Variants in IL1RAPL1 observed in about 807,000 individuals in gnomAD.
The protein encoded by IL1RAPL1 is interleukin 1 receptor accessory protein like 1.
In IL1RAPL1, 3 loss-of-function variants were observed where a neutral mutation model predicts 48.4. That is an observed-to-expected ratio of 0.06 (90% CI 0.03 to 0.16). IL1RAPL1 has a LOEUF of 0.16. Among genes scored for constraint, IL1RAPL1 ranks in the 10% least tolerant of loss-of-function variants. IL1RAPL1 has a pLI of 1.00. For synonymous variants in IL1RAPL1, 185 were observed against 187.7 expected, an observed-to-expected ratio of 0.99 and a Z score of 0.12; for missense variants, 349 against 530.6, an observed-to-expected ratio of 0.66 and a Z score of 3.36.
At chrX:29,630,467 A>G (rs1189040635) in intron 5 of IL1RAPL1, among the ~76,000 whole-genome samples, 5 of 111,944 alleles carry the variant, frequency 4.5e-5, no homozygotes, top group East Asian at 2.8e-4. Context: ...AGAATTGTCA[A>G]TACAACTATT....
intron 6 of IL1RAPL1, among the ~76,000 whole-genome samples, chrX:29,836,431 C>T (rs746846589): frequency 7.0e-4 from 78 of 111,264 alleles, no homozygotes; most frequent in Non-Finnish European, 1.3e-3. Flanking sequence ...CCTTGTCATC[C>T]GCCCGCCTTG....
intron 1 of IL1RAPL1, among the ~76,000 whole-genome samples, chrX:28,746,563 T>C (rs1164331101): frequency 6.3e-5 from 7 of 111,978 alleles, no homozygotes; most frequent in Non-Finnish European, 1.3e-4. Context: ...AGAGTTGGAA[T>C]AGAAGGGATA....
chrX:29,309,083 T>C (rs1480974844), intron 3 of IL1RAPL1, among the ~76,000 whole-genome samples: 1 of 112,626 alleles, frequency 8.9e-6, no homozygotes, highest in African/African-American at 3.2e-5. Flanking sequence ...CAATATTGTA[T>C]CTAACTTTGC....
intron 6 of IL1RAPL1, among the ~76,000 whole-genome samples, chrX:29,781,018 A>G (rs1311330188): frequency 9.0e-6 from 1 of 111,360 alleles, no homozygotes; most frequent in Non-Finnish European, 1.9e-5. Context: ...CACAAAACTC[A>G]TAACAATGCT....
At chrX:29,574,104 G>A (rs766406411) in intron 5 of IL1RAPL1, among the ~76,000 whole-genome samples, 1 of 109,773 alleles carries the variant, frequency 9.1e-6, no homozygotes, top group African/African-American at 3.3e-5. Flanking sequence ...AACATGGCTG[G>A]GGAGGCCTCA....
intron 3 of IL1RAPL1, among the ~76,000 whole-genome samples, chrX:29,333,964 C>G (rs1932930755): frequency 1.1e-5 from 1 of 91,780 alleles, no homozygotes; most frequent in Non-Finnish European, 2.2e-5. Context: ...GGCGGCTGGC[C>G]GGGCGGGGGG....
chrX:29,725,345 A>G (rs1216451770), intron 6 of IL1RAPL1, among the ~76,000 whole-genome samples: 1 of 111,116 alleles, frequency 9.0e-6, no homozygotes, highest in Non-Finnish European at 1.9e-5. Flanking sequence ...CCTCCATTAT[A>G]TGAGGTAAAG....
At chrX:28,953,053 T>C (rs1289896912) in intron 2 of IL1RAPL1, among the ~76,000 whole-genome samples, 1 of 111,421 alleles carries the variant, frequency 9.0e-6, no homozygotes, top group South Asian at 3.7e-4. Flanking sequence ...TGTTTAATAT[T>C]TCAAAAAACT....
rs772766833 is a variant in IL1RAPL1, at chrX:29,550,239, T to G, written c.704-118191T>G. Among the ~76,000 whole-genome samples the G allele has an allele frequency of 4.8e-3, 535 of 111,504 alleles. 7 individuals carry two copies. Among genetic ancestry groups the G allele is most frequent in the African/African-American group, 0.017 (518 of 30,658 alleles). On this transcript the variant is annotated intron_variant, in intron 5 of 10. Coordinates refer to ENST00000378993, the MANE Select transcript of IL1RAPL1 (RefSeq NM_014271.4). ...TGGATTCTCACTCTGTCGCCCAGGC[T>G]GGAGTGCAGTGGCGGGATCTCGGCT...
intron 1 of IL1RAPL1, among the ~76,000 whole-genome samples, chrX:28,713,588 A>G (rs1181000338): frequency 9.0e-6 from 1 of 110,984 alleles, no homozygotes; most frequent in African/African-American, 3.3e-5. Context: ...AGCAGGAAGG[A>G]TTGGGTCTAG....
chrX:28,712,869 A>G (rs1469239606), intron 1 of IL1RAPL1, among the ~76,000 whole-genome samples: 1 of 111,133 alleles, frequency 9.0e-6, no homozygotes, highest in Non-Finnish European at 1.9e-5. Flanking sequence ...AATGCTTTAT[A>G]TAATTTCCCA....
Position 29,777,837 on chromosome X carries a change from T to C in IL1RAPL1, c.778+109333T>C, listed in dbSNP as rs928259122. 2.7e-5 allele frequency among the ~76,000 whole-genome samples: 3 copies of C among 110,879 alleles called. No homozygotes were observed. The East Asian group carries it at 8.4e-4, about 31-fold the overall frequency. On this transcript the variant is annotated intron_variant, in intron 6 of 10. Transcript: ENST00000378993. ...ATTGTTAATTTTAATCTTTTTTTAC[T>C]TGGTAAAAATGCTTTCTATGTCAGT...
chrX:29,285,595 GA>G (rs1323748560), intron 3 of IL1RAPL1, among the ~76,000 whole-genome samples: 1 of 83,315 alleles, frequency 1.2e-5, no homozygotes, highest in East Asian at 4.6e-4. Flanking sequence ...ATGAAAGATT[GA>G]AAAGTTTCCA....
At chrX:28,887,550 T>C (rs1466625678) in intron 2 of IL1RAPL1, among the ~76,000 whole-genome samples, 1 of 111,930 alleles carries the variant, frequency 8.9e-6, no homozygotes, top group East Asian at 2.8e-4. Context: ...ATCTCTCCTG[T>C]CTTCCAGATA....
At chrX:29,182,621 A>G (rs1433415828) in intron 2 of IL1RAPL1, among the ~76,000 whole-genome samples, 1 of 110,221 alleles carries the variant, frequency 9.1e-6, no homozygotes, top group Non-Finnish European at 1.9e-5. Context: ...AGGCATCCCA[A>G]AGTCACAAAA....
At chrX:29,423,763 A>G (rs892277293) in intron 5 of IL1RAPL1, among the ~76,000 whole-genome samples, 13 of 111,193 alleles carry the variant, frequency 1.2e-4, no homozygotes, top group Non-Finnish European at 1.9e-4. Context: ...TATATGCACC[A>G]CTCTAAGCAC....
intron 5 of IL1RAPL1, among the ~76,000 whole-genome samples, chrX:29,625,879 G>A (rs748840387): frequency 5.4e-5 from 6 of 111,445 alleles, no homozygotes; most frequent in Non-Finnish European, 9.4e-5. Flanking sequence ...TTTGTAAAAT[G>A]CCCCCATTAT....
intron 1 of IL1RAPL1, among the ~76,000 whole-genome samples, chrX:28,771,742 A>T (rs1936308361): frequency 9.0e-6 from 1 of 111,262 alleles, no homozygotes; most frequent in African/African-American, 3.3e-5. Flanking sequence ...CTTATTTAAA[A>T]ATAGTCACAT....
chrX:29,252,531 G>A (rs1000707356), intron 2 of IL1RAPL1, among the ~76,000 whole-genome samples: 1 of 113,416 alleles, frequency 8.8e-6, no homozygotes, highest in African/African-American at 3.2e-5. Context: ...TGTCTTCTTT[G>A]TTAGCCAAAA....
Sources: gnomAD v4.1 joint callset for allele counts (sites outside exome capture counted in the v4.1 genomes callset) on GRCh38, gnomAD v4.1.1 for gene constraint, MANE v1.5 for transcripts, NCBI Gene and HGNC (gene_info 2026-07-23, HGNC 2026-07-21) for gene names.